Variants in IQCH observed in about 807,000 individuals in gnomAD.
IQCH encodes IQ motif containing H, also known as IQ domain-containing protein H.
A neutral mutation model predicts 117.0 loss-of-function variants in IQCH; 98 were observed. The ratio of observed to expected loss-of-function variants is 0.84; its 90% CI spans 0.71 to 0.99. IQCH has a LOEUF of 0.99. Among genes scored for constraint, IQCH ranks in the 50% least tolerant of loss-of-function variants. The pLI is 0.00. For synonymous variants in IQCH, 412 were observed against 448.2 expected, an observed-to-expected ratio of 0.92 and a Z score of 1.02; for missense variants, 1,102 against 1,243.8, an observed-to-expected ratio of 0.89 and a Z score of 1.72.
chr15:67,437,007 T>G (rs946630278), intron 16 of IQCH, among the ~76,000 whole-genome samples: 4 of 151,908 alleles, frequency 2.6e-5, no homozygotes, highest in African/African-American at 9.7e-5. Context: ...TCTTGGGAGT[T>G]CTAGGGCCCC....
chr15:67,358,202 C>CTTTTTTTTTTTTTTTTTTTTTTT (rs1555462676), intron 7 of IQCH, among the ~76,000 whole-genome samples: 3 of 5,974 alleles, frequency 5.0e-4, no homozygotes, highest in Non-Finnish European at 6.8e-4. Context: ...GAGGCACTTT[C>CTTTTTTTTTTTTTTTTTTTTTTT]TTTTCTTTTT....
chr15:67,274,565 G>A (rs1567055993), intron 3 of IQCH, among the ~76,000 whole-genome samples: 1 of 151,922 alleles, frequency 6.6e-6, no homozygotes, highest in African/African-American at 2.4e-5. Flanking sequence ...TTGATTTTCT[G>A]TGTTATCTTG....
chr15:67,395,295 A>G lies in IQCH; in HGVS notation c.1637A>G (p.His546Arg). ...TPEAVNIFPKHHMCLATHLMY... is the reference protein window; with the variant it reads ...TPEAVNIFPKRHMCLATHLMY... ...AATAATATGATCTTCCCCCAGAAGC[A>G]TCATATGTGCCTGGCCACTCACCTG... is the stretch of plus-strand genomic sequence containing the variant. The change falls in exon 13 of 21, where the codon CAT becomes CGT. Residue 546 changes from histidine to arginine, a missense_variant. Coordinates refer to ENST00000335894, the MANE Select transcript of IQCH (RefSeq NM_001031715.3). The surrounding 1 kb of genome is among the most constrained non-coding windows in gnomAD (Gnocchi z 4.0). The G allele has an allele frequency of 1.2e-6, 2 of 1,611,368 alleles. No individual in the cohort carries two copies. Among genetic ancestry groups the G allele is most frequent in the African/African-American group, 2.7e-5 (2 of 74,946 alleles).
In IQCH at chr15:67,386,330, C is replaced by A. The variant is rs1971106676; in HGVS notation, c.1456+1311C>A. Among the ~76,000 whole-genome samples, 2 of 152,080 alleles carry A rather than the reference C, an allele frequency of 1.3e-5. No homozygotes were observed. Among genetic ancestry groups the A allele is most frequent in the African/African-American group, 2.4e-5 (1 of 41,418 alleles). ...GAAAGTATTAGGCTTCTATTTTAAACAACTCAATAATTCAGTCTGTCTCTA... is the reference window on the plus strand; with the variant it reads ...GAAAGTATTAGGCTTCTATTTTAAAAAACTCAATAATTCAGTCTGTCTCTA... On this transcript the variant is annotated intron_variant, in intron 11 of 20. Coordinates refer to ENST00000335894, the MANE Select transcript of IQCH (RefSeq NM_001031715.3). The surrounding 1 kb of genome is among the most constrained non-coding windows in gnomAD (Gnocchi z 5.0).
intron 16 of IQCH, among the ~76,000 whole-genome samples, chr15:67,439,810 C>T (rs2082221229): frequency 6.6e-6 from 1 of 150,920 alleles, no homozygotes; most frequent in Admixed American, 6.6e-5. Context: ...ATCACTTGAA[C>T]CCGGGAGGCA....
At chr15:67,409,380 A>T (rs2081386362) in intron 14 of IQCH, among the ~76,000 whole-genome samples, 1 of 152,222 alleles carries the variant, frequency 6.6e-6, no homozygotes. Context: ...AGGAAAAAAG[A>T]TACAGCAATT....
At chr15:67,379,511 A>G (rs529545758) in intron 10 of IQCH, among the ~76,000 whole-genome samples, 1 of 152,290 alleles carries the variant, frequency 6.6e-6, no homozygotes, top group East Asian at 1.9e-4. Flanking sequence ...CCAGATCACA[A>G]TTTGAGAATC....
In IQCH at chr15:67,491,114, A is replaced by G. The variant is rs1336089308; in HGVS notation, c.2861+1050A>G. 6.6e-6 allele frequency among the ~76,000 whole-genome samples: 1 copy of G among 152,150 alleles called. No homozygotes were observed. Among genetic ancestry groups the G allele is most frequent in the Non-Finnish European group, 1.5e-5 (1 of 68,030 alleles). On this transcript the variant is annotated intron_variant, in intron 19 of 20. Coordinates refer to ENST00000335894, the MANE Select transcript of IQCH (RefSeq NM_001031715.3). The surrounding 1 kb of genome is among the most constrained non-coding windows in gnomAD (Gnocchi z 4.9). ...AACACACAGAAACATATACACAAAG[A>G]TCTGGTCTCATAAAAACTAACCAAA...
intron 16 of IQCH, among the ~76,000 whole-genome samples, chr15:67,449,519 T>A (rs2082468952): frequency 6.6e-6 from 1 of 152,180 alleles, no homozygotes; most frequent in Non-Finnish European, 1.5e-5. Flanking sequence ...AGGTTTGTCA[T>A]AGATCAGATA....
chr15:67,303,290 G>T (rs1159203181), intron 4 of IQCH, among the ~76,000 whole-genome samples: 1 of 152,146 alleles, frequency 6.6e-6, no homozygotes, highest in African/African-American at 2.4e-5. Context: ...TGGGAAGAGG[G>T]AATGGGGAGC....
chr15:67,372,024 A>G, intron 8 of IQCH, 87 bp from the exon 9 acceptor site: 1 of 1,140,656 alleles, frequency 8.8e-7, no homozygotes, highest in South Asian at 1.6e-5. Context: ...TGAATGCTAA[A>G]TGATAATGTA....
intron 4 of IQCH, among the ~76,000 whole-genome samples, chr15:67,303,680 C>T (rs1967162461): frequency 6.6e-6 from 1 of 152,262 alleles, no homozygotes. Flanking sequence ...GTCCTGACAA[C>T]TATCTAGTGC....
chr15:67,415,238 G>T lies in IQCH; in HGVS notation c.2098-1693G>T, dbSNP rs115305125. ...AAAGATCAGAGAAAATGTGCACAGC[G>T]TATAGGATATGAAGGGAGGGAAAAG... is the stretch of plus-strand genomic sequence containing the variant. On this transcript the variant is annotated intron_variant, in intron 14 of 20. Transcript: ENST00000335894. Among the ~76,000 whole-genome samples, 289 of 152,228 alleles carry T rather than the reference G, an allele frequency of 1.9e-3. 3 individuals carry two copies. The highest frequency in any genetic ancestry group is 6.6e-3 in the African/African-American group (276 of 41,538).
Position 67,432,570 on chromosome 15 carries a change from T to C in IQCH, c.2505+10993T>C, listed in dbSNP as rs1474684323. Among the ~76,000 whole-genome samples, 1 of 152,196 alleles carries C rather than the reference T, an allele frequency of 6.6e-6. No individual in the cohort carries two copies. Among genetic ancestry groups the C allele is most frequent in the East Asian group, 1.9e-4 (1 of 5,204 alleles). ...AAGCAGATATAAGGTGATGTTCTTA[T>C]TAAATCAAATGGCATAACCACATGT... On this transcript the variant is annotated intron_variant, in intron 16 of 20. Coordinates refer to ENST00000335894, the MANE Select transcript of IQCH (RefSeq NM_001031715.3). The surrounding 1 kb of genome is among the most constrained non-coding windows in gnomAD (Gnocchi z 5.0).
rs149264702 is a variant in IQCH at position 67,429,908 on chromosome 15, T to C, written c.2505+8331T>C. Among the ~76,000 whole-genome samples, 22 of 152,278 alleles carry C rather than the reference T, an allele frequency of 1.4e-4. No homozygotes were observed. The South Asian group carries it at 3.9e-3, about 27-fold the overall frequency. On this transcript the variant is annotated intron_variant, in intron 16 of 20. Transcript: ENST00000335894. ...AGATGAGAATGAGGTTCTAGCAGAA[T>C]AGAAGAAGTTGTGGAAATGTAAGAC...
At position 67,388,138 on chromosome 15, in the gene IQCH, T is replaced by G. The variant is rs1971166201; in HGVS notation, c.1457-693T>G. On this transcript the variant is annotated intron_variant, in intron 11 of 20. Coordinates refer to ENST00000335894, the MANE Select transcript of IQCH (RefSeq NM_001031715.3). This position sits in a 1 kb window ranked among gnomAD's most constrained non-coding sequence, Gnocchi z 5.5. ...TGCAGCATGGAGTGGATACTCTCATTTCACTATTCCATTTGGATGGGATAT... is the reference window on the plus strand; with the variant it reads ...TGCAGCATGGAGTGGATACTCTCATGTCACTATTCCATTTGGATGGGATAT... 6.6e-6 allele frequency among the ~76,000 whole-genome samples: 1 copy of G among 152,238 alleles called. No homozygotes were observed. Among genetic ancestry groups the G allele is most frequent in the Non-Finnish European group, 1.5e-5 (1 of 68,036 alleles).
At chr15:67,292,672 G>A (rs749371304) in intron 4 of IQCH, among the ~76,000 whole-genome samples, 1 of 152,070 alleles carries the variant, frequency 6.6e-6, no homozygotes, top group Admixed American at 6.6e-5. Flanking sequence ...TATTTTTATT[G>A]AAGTGTTTTA....
rs558810554 is a variant in IQCH, at chr15:67,453,892, G to A, written c.2506-11235G>A. ...TCCACCCAGTTCAAGCTTCCCGGCC[G>A]CTTTGTTTACGTAATCAAACAACTA... is the stretch of plus-strand genomic sequence containing the variant. On this transcript the variant is annotated intron_variant, in intron 16 of 20. Transcript: ENST00000335894. The surrounding 1 kb of genome is among the most constrained non-coding windows in gnomAD (Gnocchi z 5.8). 2.6e-5 allele frequency among the ~76,000 whole-genome samples: 4 copies of A among 152,320 alleles called. No homozygotes were observed. Among genetic ancestry groups the A allele is most frequent in the East Asian group, 1.9e-4 (1 of 5,184 alleles).
chr15:67,266,499 CA>C (rs934736983), intron 3 of IQCH, among the ~76,000 whole-genome samples: 1 of 151,558 alleles, frequency 6.6e-6, no homozygotes, highest in African/African-American at 2.4e-5. Context: ...TATTAAAATA[CA>C]AAAAAAATTA....
Sources: gnomAD v4.1 joint callset for allele counts (sites outside exome capture counted in the v4.1 genomes callset) on GRCh38, gnomAD v4.1.1 for gene constraint, Gnocchi (gnomAD v3.1) non-coding constraint, MANE v1.5 for transcripts, NCBI Gene and HGNC (gene_info 2026-07-23, HGNC 2026-07-21) for gene names.